Variants in ZYG11B observed in about 807,000 individuals in gnomAD.
ZYG11B encodes the protein protein zyg-11 homolog B.
In ZYG11B, 36 loss-of-function variants were observed where a neutral mutation model predicts 82.4. The observed-to-expected ratio is 0.44, with a 90% CI of 0.33 to 0.58. The LOEUF (loss-of-function observed/expected upper bound fraction) is 0.58, where lower values mean the gene tolerates loss of function less well. ZYG11B is among the 20% of genes least tolerant of loss of function. The pLI is 0.02. For synonymous variants in ZYG11B, 303 were observed against 312.8 expected (o/e 0.97, Z 0.33); for missense variants, 552 against 895.6 (o/e 0.62, Z 4.90).
rs1459379421 is a variant in ZYG11B at position 52,822,575 on chromosome 1, A to G, written c.*946A>G. On this transcript the variant is annotated 3_prime_UTR_variant, in exon 14 of 14. Coordinates refer to ENST00000294353, the MANE Select transcript of ZYG11B (RefSeq NM_024646.3). Reference sequence around the variant, plus strand: ...GACAGCAACATGGTGTTAACCTCTCAATTAAAATACAATTGACACCAGTAA... The same window carrying G: ...GACAGCAACATGGTGTTAACCTCTCGATTAAAATACAATTGACACCAGTAA... The G allele has an allele frequency of 6.6e-6, 1 of 152,254 alleles. No homozygotes were observed. The highest frequency in any genetic ancestry group is 1.9e-4 in the East Asian group (1 of 5,206). 9.4% of individuals were successfully genotyped at this position (152,254 alleles called of 1,614,324 possible). A position where few individuals can be genotyped will look rare whatever the true frequency, so the allele number is the denominator to read the frequency against.
chr1:52,814,321 AAAAGTATTGGCTTTAAAAGAAGC>A (rs1266657233), intron 12 of ZYG11B, among the ~76,000 whole-genome samples: 2 of 152,178 alleles, frequency 1.3e-5, no homozygotes, highest in African/African-American at 2.4e-5. Context: ...ACACCCAGCC[AAAAGTATTGGCTTTAAAAGAAGC>A]AAAGTATTTT....
rs1019754950 is a variant in ZYG11B, at chr1:52,825,718, C to G, written c.*4089C>G. ...GTCTCACTGTGTTGCCCAGGCTGGT[C>G]TCGAACTCCTGGCCTCAAGTGACTT... On this transcript the variant is annotated 3_prime_UTR_variant, in exon 14 of 14. Coordinates refer to ENST00000294353, the MANE Select transcript of ZYG11B (RefSeq NM_024646.3). 4.0e-5 allele frequency: 6 copies of G among 150,186 alleles called. No individual in the cohort carries two copies. The highest frequency in any genetic ancestry group is 1.5e-4 in the African/African-American group (6 of 40,762). The allele number at this position is 150,186 out of a possible 1,614,324, so 9.3% of individuals were successfully genotyped here. A position where few individuals can be genotyped will look rare whatever the true frequency, so the allele number is the denominator to read the frequency against.
intron 2 of ZYG11B, among the ~76,000 whole-genome samples, chr1:52,769,920 T>C (rs1474221978): frequency 1.3e-5 from 2 of 151,958 alleles, no homozygotes; most frequent in Non-Finnish European, 2.9e-5. Context: ...TTAGTTGATA[T>C]GTGATATGTT....
At position 52,825,139 on chromosome 1, in the gene ZYG11B, A is replaced by G. The variant is rs1206056720; in HGVS notation, c.*3510A>G. 3.3e-5 allele frequency: 5 copies of G among 152,316 alleles called. No individual in the cohort carries two copies. The East Asian group carries it at 9.6e-4, about 29-fold the overall frequency. 9.4% of individuals were successfully genotyped at this position (152,316 alleles called of 1,614,324 possible). A position where few individuals can be genotyped will look rare whatever the true frequency, so the allele number is the denominator to read the frequency against. ...TGATACATATTGGTATCATTAAGACAACAGATTTGAGCAAATACAATTAAG... is the reference window on the plus strand; with the variant it reads ...TGATACATATTGGTATCATTAAGACGACAGATTTGAGCAAATACAATTAAG... On this transcript the variant is annotated 3_prime_UTR_variant, in exon 14 of 14. Coordinates refer to ENST00000294353, the MANE Select transcript of ZYG11B (RefSeq NM_024646.3).
chr1:52,806,130 G>A (rs71654975), intron 10 of ZYG11B, among the ~76,000 whole-genome samples: 11,247 of 152,102 alleles, frequency 0.074, 684 homozygotes, highest in African/African-American at 0.16. Context: ...CAGAGAATAT[G>A]CTTTGTTTGG....
chr1:52,743,611 A>G (rs1644452698), intron 1 of ZYG11B, among the ~76,000 whole-genome samples: 1 of 151,956 alleles, frequency 6.6e-6, no homozygotes, highest in African/African-American at 2.4e-5. Flanking sequence ...GTATTATTCC[A>G]AAGGCTAAGG....
intron 10 of ZYG11B, among the ~76,000 whole-genome samples, chr1:52,804,340 T>C (rs888975527): frequency 2.6e-5 from 4 of 151,728 alleles, no homozygotes; most frequent in Admixed American, 1.3e-4. Flanking sequence ...AGGCCGAGTA[T>C]AGTGGCTCAA....
intron 10 of ZYG11B, among the ~76,000 whole-genome samples, chr1:52,803,327 C>T (rs1437956536): frequency 3.7e-5 from 5 of 136,884 alleles, no homozygotes; most frequent in African/African-American, 1.4e-4. Context: ...ATCCCATCTA[C>T]TTGGGAGGCT....
chr1:52,774,859 C>G (rs1289258694), intron 3 of ZYG11B, among the ~76,000 whole-genome samples: 1 of 152,064 alleles, frequency 6.6e-6, no homozygotes, highest in Non-Finnish European at 1.5e-5. Flanking sequence ...TTCTCCAGAA[C>G]TAGAATTCTT....
intron 10 of ZYG11B, among the ~76,000 whole-genome samples, chr1:52,802,697 G>A (rs1349849479): frequency 1.3e-5 from 2 of 151,522 alleles, no homozygotes; most frequent in African/African-American, 4.9e-5. Flanking sequence ...AAAAGAAAGA[G>A]AGAGAGAGAG....
chr1:52,783,896 G>GTGTGTGTATATGTACATATACA, intron 4 of ZYG11B, among the ~76,000 whole-genome samples: 1 of 95,068 alleles, frequency 1.1e-5, no homozygotes, highest in East Asian at 5.5e-4. Context: ...GTACATACAC[G>GTGTGTGTATATGTACATATACA]TGTGTGTATA....
At chr1:52,761,247 C>T (rs1303750766) in intron 2 of ZYG11B, among the ~76,000 whole-genome samples, 1 of 152,186 alleles carries the variant, frequency 6.6e-6, no homozygotes, top group Admixed American at 6.6e-5. Context: ...TTATTGTTAA[C>T]TGTAGTCATC....
intron 2 of ZYG11B, among the ~76,000 whole-genome samples, chr1:52,768,386 C>T (rs1177607738): frequency 6.6e-6 from 1 of 152,124 alleles, no homozygotes; most frequent in Non-Finnish European, 1.5e-5. Context: ...AGTGATCTAG[C>T]TCCAGCTCAC....
chr1:52,745,967 T>G (rs1364829776), intron 1 of ZYG11B, among the ~76,000 whole-genome samples: 1 of 151,392 alleles, frequency 6.6e-6, no homozygotes, highest in Non-Finnish European at 1.5e-5. Context: ...TTTAACTTTT[T>G]TTTTTTTTTG....
At chr1:52,793,229 G>A (rs1259006528) in intron 6 of ZYG11B, among the ~76,000 whole-genome samples, 2 of 152,118 alleles carry the variant, frequency 1.3e-5, no homozygotes, top group Non-Finnish European at 2.9e-5. Flanking sequence ...AGTTAGGCCA[G>A]GCGCAGTGGC....
chr1:52,757,678 A>G (rs1273385163), intron 2 of ZYG11B, among the ~76,000 whole-genome samples: 1 of 151,914 alleles, frequency 6.6e-6, no homozygotes, highest in Non-Finnish European at 1.5e-5. Context: ...CTGTCTCAAA[A>G]CAAACAAACT....
At position 52,826,779 on chromosome 1, in the gene ZYG11B, T is replaced by A. The variant is rs1260458183; in HGVS notation, c.*5150T>A. 2 of 152,194 alleles carry A rather than the reference T, an allele frequency of 1.3e-5. No individual in the cohort carries two copies. Among genetic ancestry groups the A allele is most frequent in the Admixed American group, 1.3e-4 (2 of 15,268 alleles). 9.4% of individuals were successfully genotyped at this position (152,194 alleles called of 1,614,324 possible). A position where few individuals can be genotyped will look rare whatever the true frequency, so the allele number is the denominator to read the frequency against. On this transcript the variant is annotated 3_prime_UTR_variant, in exon 14 of 14. Coordinates refer to ENST00000294353, the MANE Select transcript of ZYG11B (RefSeq NM_024646.3). ...TTTCCAAAATCCAAGTTTATCAAAA[T>A]TATTTTGTGGGAAATCATCAATCTA...
At position 52,825,671 on chromosome 1, in the gene ZYG11B, AAAAGC is replaced by A. The variant is rs1455150424; in HGVS notation, c.*4043_*4047del. 1 of 150,928 alleles carries A rather than the reference AAAAGC, an allele frequency of 6.6e-6. No homozygotes were observed. The highest frequency in any genetic ancestry group is 2.1e-4 in the South Asian group (1 of 4,780). The allele number at this position is 150,928 out of a possible 1,614,324, so 9.3% of individuals were successfully genotyped here. A position where few individuals can be genotyped will look rare whatever the true frequency, so the allele number is the denominator to read the frequency against. On this transcript the variant is annotated 3_prime_UTR_variant, in exon 14 of 14. Coordinates refer to ENST00000294353, the MANE Select transcript of ZYG11B (RefSeq NM_024646.3). The stretch of plus-strand genomic sequence containing the variant: ...GCTATGTTAAAAAAAAAAAAAAAAA[AAAAGC>A]GAGAGAGAGAGATGGTGTCTCACTG...
intron 2 of ZYG11B, among the ~76,000 whole-genome samples, chr1:52,765,834 T>C (rs1460838860): frequency 6.6e-6 from 1 of 152,204 alleles, no homozygotes; most frequent in Non-Finnish European, 1.5e-5. Flanking sequence ...TCAGCCACAC[T>C]GTCTTTCTCC....
Sources: allele counts gnomAD v4.1 joint callset (sites outside exome capture counted in the v4.1 genomes callset), GRCh38; gene constraint gnomAD v4.1.1; transcripts MANE v1.5; gene names NCBI Gene and HGNC (gene_info 2026-07-23, HGNC 2026-07-21).